ITIH1: variants seen among roughly 807,000 people sequenced by gnomAD.
The protein encoded by ITIH1 is inter-alpha-trypsin inhibitor heavy chain 1.
In ITIH1, 94 loss-of-function variants were observed where a neutral mutation model predicts 104.6. The ratio of observed to expected loss-of-function variants is 0.90; its 90% CI spans 0.76 to 1.07. The LOEUF (loss-of-function observed/expected upper bound fraction) is 1.07. Ranked by LOEUF, ITIH1 falls within the 50% of genes least tolerant of loss-of-function variation. The pLI is 0.00. For synonymous variants in ITIH1, 455 were observed against 464.4 expected, an observed-to-expected ratio of 0.98 and a Z score of 0.26; for missense variants, 1,193 against 1,181.4, an observed-to-expected ratio of 1.01 and a Z score of -0.14.
chr3:52,778,539 C>A (rs764181269), intron 3 of ITIH1, 33 bp downstream of exon 3: 2 of 1,611,636 alleles, frequency 1.2e-6, no homozygotes, highest in Admixed American at 3.3e-5. Flanking sequence ...TGCCTTCTCC[C>A]AGGGGTGCCG....
chr3:52,781,306 T>G lies in ITIH1; in HGVS notation c.688-634T>G, dbSNP rs559327906. Reference sequence around the variant, plus strand: ...TTCTTCCTCTTCTTCTTCTTCTGCTTCTTCTTCTCCTTCTCCTTCTTCTTC... The same window carrying G: ...TTCTTCCTCTTCTTCTTCTTCTGCTGCTTCTTCTCCTTCTCCTTCTTCTTC... On this transcript the variant is annotated intron_variant, in intron 6 of 21. Coordinates refer to ENST00000273283, the MANE Select transcript of ITIH1 (RefSeq NM_002215.4). Among the ~76,000 whole-genome samples the G allele has an allele frequency of 5.0e-4, 63 of 125,504 alleles. 1 individual carries two copies. The highest frequency in any genetic ancestry group is 4.5e-3 in the Middle Eastern group (1 of 224). 82.3% of individuals were successfully genotyped at this position (125,504 alleles called of 152,430 possible). A position where few individuals can be genotyped will look rare whatever the true frequency, so the allele number is the denominator to read the frequency against.
intron 13 of ITIH1, 44 bp downstream of exon 13, chr3:52,786,478 G>A (rs1174964758): frequency 6.5e-7 from 1 of 1,544,074 alleles, no homozygotes; most frequent in East Asian, 2.4e-5. Context: ...GCCCACCCCA[G>A]AGTCCCCCCA....
intron 2 of ITIH1, 76 bp from the exon 3 acceptor site, chr3:52,778,264 A>C (rs563943840): frequency 6.8e-7 from 1 of 1,467,640 alleles, no homozygotes; most frequent in Non-Finnish European, 9.5e-7. Flanking sequence ...CTAAGTGCCA[A>C]GTCCCCGTAC....
rs114106492 is a variant in ITIH1, at chr3:52,786,249, C to T, written c.1594-46C>T. The stretch of plus-strand genomic sequence containing the variant: ...AGAGCCCCTAGCACCAGCCAGGGGC[C>T]GTGCTTATCATGGTGCACCACCCCT... On this transcript the variant is annotated intron_variant, in intron 12 of 21. Transcript: ENST00000273283. 9.0e-4 allele frequency: 1,398 copies of T among 1,546,366 alleles called. 9 individuals are homozygous for T. Among genetic ancestry groups the T allele is most frequent in the African/African-American group, 8.8e-3 (644 of 73,464 alleles).
Position 52,789,699 on chromosome 3 carries a change from T to C in ITIH1, c.2166T>C (p.Pro722=), listed in dbSNP as rs1230445637. ...GQLIGNKARS[P]GQHDGTYFGR... is the part of the protein sequence containing the mutation. ...TCATTGGCAACAAGGCCAGGAGCCC[T>C]GGGCAGCATGACGGCACGTACTTCG... The change falls in exon 19 of 22, where the codon CCT becomes CCC. Residue 722 remains proline, a synonymous_variant. Transcript: ENST00000273283. 3 of 1,614,078 alleles carry C rather than the reference T, an allele frequency of 1.9e-6. No homozygotes were observed. Among genetic ancestry groups the C allele is most frequent in the Middle Eastern group, 1.6e-4 (1 of 6,084 alleles).
chr3:52,787,056 G>A lies in ITIH1; in HGVS notation c.1845G>A (p.Ala615=), dbSNP rs535754406. Residue 615 remains alanine, a synonymous_variant, in exon 14 of 22, where the codon GCG becomes GCA. Coordinates refer to ENST00000273283, the MANE Select transcript of ITIH1 (RefSeq NM_002215.4). ...PLTSMSIRGM[A]DQDGLKPTID... is the part of the protein sequence containing the mutation. Reference sequence around the variant, plus strand: ...CCTCCATGAGCATCAGGGGCATGGCGGACCAGGACGGCCTGAAGCCCACCA... The same window carrying A: ...CCTCCATGAGCATCAGGGGCATGGCAGACCAGGACGGCCTGAAGCCCACCA... 2.7e-5 allele frequency: 43 copies of A among 1,614,182 alleles called. No homozygotes were observed. Among genetic ancestry groups the A allele is most frequent in the South Asian group, 2.2e-4 (20 of 91,086 alleles).
Position 52,792,024 on chromosome 3 carries a change from A to G in ITIH1, c.*113A>G, listed in dbSNP as rs1008131931. The G allele has an allele frequency of 8.1e-7, 1 of 1,231,202 alleles. No individual in the cohort carries two copies. Among genetic ancestry groups the G allele is most frequent in the Non-Finnish European group, 1.1e-6 (1 of 886,030 alleles). 76.3% of individuals were successfully genotyped at this position (1,231,202 alleles called of 1,614,324 possible). On this transcript the variant is annotated 3_prime_UTR_variant, in exon 22 of 22. Coordinates refer to ENST00000273283, the MANE Select transcript of ITIH1 (RefSeq NM_002215.4). ...TTGACTAAGCTGGTTCCTTGTGTCA[A>G]AGCACCTCATGCCTTCCATTAAAGA...
rs866458337 is a variant in ITIH1, at chr3:52,791,966, G to A, written c.*55G>A. On this transcript the variant is annotated 3_prime_UTR_variant, in exon 22 of 22. Transcript: ENST00000273283. ...CGGGGCCAAGGCAGAGGAGGAGGACGACATCCTGACCTGCTGCTGAGGCTG... is the reference window on the plus strand; with the variant it reads ...CGGGGCCAAGGCAGAGGAGGAGGACAACATCCTGACCTGCTGCTGAGGCTG... The A allele has an allele frequency of 9.0e-6, 14 of 1,559,534 alleles. No homozygotes were observed. Among genetic ancestry groups the A allele is most frequent in the Middle Eastern group, 1.9e-4 (1 of 5,330 alleles).
rs2154108129 is a variant in ITIH1 at position 52,778,982 on chromosome 3, A to G, written c.346A>G (p.Lys116Glu). ...GNAFIGDIKDKVTAWKQYRKA... is the reference protein window; with the variant it reads ...GNAFIGDIKDEVTAWKQYRKA... ...CGCATTTATCGGAGACATAAAGGAC[A>G]AGGTGACTGCATGGAAGCAGTACCG... is the stretch of plus-strand genomic sequence containing the variant. The change falls in exon 4 of 22, where the codon AAG (lysine) becomes GAG (glutamate). Residue 116 changes from lysine (K) to glutamate (E), a missense_variant. Transcript: ENST00000273283. The G allele has an allele frequency of 6.2e-7, 1 of 1,614,108 alleles. No homozygotes were observed. Among genetic ancestry groups the G allele is most frequent in the East Asian group, 2.2e-5 (1 of 44,888 alleles).
chr3:52,778,954 A>G lies in ITIH1; in HGVS notation c.318A>G (p.Gly106=), dbSNP rs1316312903. 1 of 1,613,116 alleles carries G rather than the reference A, an allele frequency of 6.2e-7. No individual in the cohort carries two copies. The highest frequency in any genetic ancestry group is 1.7e-5 in the Admixed American group (1 of 60,028). The change falls in exon 4 of 22, where the codon GGA becomes GGG. Residue 106 remains glycine, a synonymous_variant. Coordinates refer to ENST00000273283, the MANE Select transcript of ITIH1 (RefSeq NM_002215.4). ...FISDFAVTAD[G]NAFIGDIKDK... ...TCCCTCCCTGCAGTACAGCAGATGG[A>G]AACGCATTTATCGGAGACATAAAGG...
chr3:52,780,627 C>T (rs75097760), intron 6 of ITIH1, among the ~76,000 whole-genome samples: 2,067 of 152,346 alleles, frequency 0.014, 30 homozygotes, highest in Middle Eastern at 0.024. Context: ...CCACCACACA[C>T]GGGCTGCATG....
rs1194418071 is a variant in ITIH1, at chr3:52,781,204, TTTTTTTCTTCTTCTTCTTC to T, written c.688-733_688-715del. ...CCTTCACCTCCTCCTCTTCTTTTTT[TTTTTTTCTTCTTCTTCTTC>T]TTCTTCTTCTTCTTCTTCTTCTTCT... On this transcript the variant is annotated intron_variant, in intron 6 of 21. Transcript: ENST00000273283. 6.6e-3 allele frequency among the ~76,000 whole-genome samples: 803 copies of T among 121,290 alleles called. 75 individuals are homozygous for T. The highest frequency in any genetic ancestry group is 0.019 in the African/African-American group (515 of 26,562). The allele number at this position is 121,290 out of a possible 152,430, so 79.6% of individuals were successfully genotyped here.
Position 52,789,745 on chromosome 3 carries a change from C to G in ITIH1, c.2212C>G (p.Pro738Ala), listed in dbSNP as rs1443169372. 1 of 1,614,234 alleles carries G rather than the reference C, an allele frequency of 6.2e-7. No individual in the cohort carries two copies. ...CTTCGGGCGGCTGGGAATCGCAAAC[C>G]CTGCCACGGACTTTCAGTTGGAAGT... ...TYFGRLGIAN[P>A]ATDFQLEVTP... The change falls in exon 19 of 22, where the codon CCT becomes GCT. Residue 738 changes from proline to alanine, a missense_variant. Pro to Ala is a conservative substitution (Grantham distance 27). Coordinates refer to ENST00000273283, the MANE Select transcript of ITIH1 (RefSeq NM_002215.4).
rs776615915 is a variant in ITIH1, at chr3:52,782,261, G to T, written c.924G>T (p.Val308=). Residue 308 remains valine, a synonymous_variant, in exon 8 of 22, where the codon GTG becomes GTT. Transcript: ENST00000273283. ...DISGSMRGQK[V]KQTKEALLKI... ...GTGGCTCCATGAGAGGCCAGAAAGTGAAGCAGGTAGGCTGCAGCTTGAAAC... is the reference window on the plus strand; with the variant it reads ...GTGGCTCCATGAGAGGCCAGAAAGTTAAGCAGGTAGGCTGCAGCTTGAAAC... 4 of 1,612,702 alleles carry T rather than the reference G, an allele frequency of 2.5e-6. No homozygotes were observed. In the South Asian group the frequency reaches 4.4e-5, roughly 18 times the overall value.
chr3:52,789,961 C>T (rs1202700506), intron 19 of ITIH1, 107 bp downstream of exon 19: 1 of 1,140,068 alleles, frequency 8.8e-7, no homozygotes, highest in Non-Finnish European at 1.3e-6. Flanking sequence ...GTGGGTGACA[C>T]CCATGTGGCC....
intron 14 of ITIH1, 26 bp downstream of exon 14, chr3:52,787,125 G>C: frequency 1.2e-6 from 2 of 1,614,220 alleles, no homozygotes; most frequent in Non-Finnish European, 1.7e-6. Flanking sequence ...GTCTACAGAA[G>C]GGAGAGGCCA....
Position 52,783,193 on chromosome 3 carries a change from TCTG to T in ITIH1, c.1100-18_1100-16del, listed in dbSNP as rs1416426273. 6.2e-7 allele frequency: 1 copy of T among 1,614,140 alleles called. No homozygotes were observed. The highest frequency in any genetic ancestry group is 8.5e-7 in the Non-Finnish European group (1 of 1,180,024). ...CCCTCAGAATGAGGGCATACACTGG[TCTG>T]CTTTCTCTTCCTTGCAGCCACAAAC... is the stretch of plus-strand genomic sequence containing the variant. On this transcript the variant is annotated intron_variant, in intron 9 of 21. Transcript: ENST00000273283.
intron 13 of ITIH1, 33 bp downstream of exon 13, chr3:52,786,467 T>C (rs772138904): frequency 1.7e-5 from 26 of 1,554,292 alleles, no homozygotes; most frequent in Non-Finnish European, 2.1e-5. Context: ...AGGTGGGCAC[T>C]GCCCACCCCA....
At position 52,781,212 on chromosome 3, in the gene ITIH1, TTCTTCTTC is replaced by T. The variant is rs1559461276; in HGVS notation, c.688-726_688-719del. On this transcript the variant is annotated intron_variant, in intron 6 of 21. Transcript: ENST00000273283. Reference sequence around the variant, plus strand: ...TCCTCCTCTTCTTTTTTTTTTTTTCTTCTTCTTCTTCTTCTTCTTCTTCTTCTTCTTCT... The same window carrying T: ...TCCTCCTCTTCTTTTTTTTTTTTTCTTTCTTCTTCTTCTTCTTCTTCTTCT... Among the ~76,000 whole-genome samples the T allele has an allele frequency of 4.7e-3, 65 of 13,910 alleles. 1 individual carries two copies. Among genetic ancestry groups the T allele is most frequent in the African/African-American group, 7.3e-3 (28 of 3,850 alleles). The allele number at this position is 13,910 out of a possible 152,430, so 9.1% of individuals were successfully genotyped here.
Sources: allele counts gnomAD v4.1 joint callset (sites outside exome capture counted in the v4.1 genomes callset), GRCh38; gene constraint gnomAD v4.1.1; transcripts MANE v1.5; gene names NCBI Gene and HGNC (gene_info 2026-07-23, HGNC 2026-07-21).